ARFGEF2: variants seen among roughly 807,000 people sequenced by gnomAD.
The protein encoded by ARFGEF2 is ARF guanine nucleotide exchange factor 2.
In ARFGEF2, 74 loss-of-function variants were observed where a neutral mutation model predicts 219.9. That is an observed-to-expected ratio of 0.34 (90% CI 0.28 to 0.41). ARFGEF2 has a LOEUF of 0.41. Among genes scored for constraint, ARFGEF2 ranks in the 10% least tolerant of loss-of-function variants. The pLI is 1.00. For missense variants in ARFGEF2, 1,743 were observed against 2,218.3 expected, an observed-to-expected ratio of 0.79 and a Z score of 4.30; for synonymous variants, 733 against 799.2, an observed-to-expected ratio of 0.92 and a Z score of 1.40.
intron 3 of ARFGEF2, among the ~76,000 whole-genome samples, chr20:48,950,806 AAAAAAATATATATATATAT>A (rs1223030935): frequency 2.3e-5 from 1 of 43,390 alleles, no homozygotes; most frequent in African/African-American, 1.3e-4. Context: ...AAAAAAAAAA[AAAAAAATATATATATATAT>A]ATATATATAT....
At chr20:48,945,398 T>G (rs2091019400) in intron 3 of ARFGEF2, among the ~76,000 whole-genome samples, 1 of 152,232 alleles carries the variant, frequency 6.6e-6, no homozygotes, top group Non-Finnish European at 1.5e-5. Context: ...TGCTCTTAAC[T>G]GGCCCCTGCT....
chr20:49,007,764 A>G (rs934102294), intron 26 of ARFGEF2, among the ~76,000 whole-genome samples: 2 of 152,160 alleles, frequency 1.3e-5, no homozygotes, highest in Non-Finnish European at 2.9e-5. Flanking sequence ...AACCAAAATT[A>G]AACCCAGAGT....
At chr20:48,966,117 TAAGCAAG>T in intron 8 of ARFGEF2, 94 bp downstream of exon 8, 1 of 1,485,294 alleles carries the variant, frequency 6.7e-7, no homozygotes, top group Non-Finnish European at 9.3e-7. Flanking sequence ...GCAACTAAAA[TAAGCAAG>T]CCCTGTTCCT....
chr20:48,975,227 G>A (rs1166638156), intron 13 of ARFGEF2, among the ~76,000 whole-genome samples: 3 of 151,996 alleles, frequency 2.0e-5, no homozygotes, highest in Non-Finnish European at 4.4e-5. Flanking sequence ...TCCATTACCC[G>A]GCTGGAATAC....
chr20:48,964,942 T>C (rs188763211), intron 7 of ARFGEF2, among the ~76,000 whole-genome samples: 9 of 152,350 alleles, frequency 5.9e-5, no homozygotes, highest in African/African-American at 2.2e-4. Flanking sequence ...GTTACTTATG[T>C]GCCCATGTCT....
intron 30 of ARFGEF2, 21 bp downstream of exon 30, chr20:49,013,981 T>C (rs377611249): frequency 2.2e-4 from 363 of 1,613,590 alleles, no homozygotes; most frequent in Non-Finnish European, 3.0e-4. Flanking sequence ...ACTACAGCAC[T>C]GCCCTAGGTA....
intron 14 of ARFGEF2, among the ~76,000 whole-genome samples, chr20:48,979,866 A>G (rs1011293416): frequency 6.7e-6 from 1 of 148,622 alleles, no homozygotes; most frequent in African/African-American, 2.5e-5. Context: ...TCTTCTCTTT[A>G]TTTTCTTCTT....
At chr20:49,025,619 G>C in intron 36 of ARFGEF2, 138 bp downstream of exon 36, 129 of 903,180 alleles carry the variant, frequency 1.4e-4, no homozygotes, top group Non-Finnish European at 2.1e-4. Context: ...GGGGAGAGAA[G>C]GGAAATGTTG....
chr20:49,025,544 G>C, intron 36 of ARFGEF2, 63 bp downstream of exon 36: 1 of 1,600,148 alleles, frequency 6.2e-7, no homozygotes, highest in Non-Finnish European at 8.5e-7. Flanking sequence ...ACATTAAAGT[G>C]CTTGGAAAAT....
chr20:48,945,964 T>C (rs2091023822), intron 3 of ARFGEF2, among the ~76,000 whole-genome samples: 1 of 152,216 alleles, frequency 6.6e-6, no homozygotes. Context: ...TTGTTTAGTA[T>C]ACAAAATGAG....
intron 1 of ARFGEF2, among the ~76,000 whole-genome samples, chr20:48,935,550 C>G (rs901080647): frequency 1.7e-4 from 26 of 152,322 alleles, no homozygotes; most frequent in Non-Finnish European, 2.9e-4. Flanking sequence ...ACCTTTCCCC[C>G]CTTTCTATTC....
At chr20:48,993,861 C>T (rs2091371131) in intron 21 of ARFGEF2, among the ~76,000 whole-genome samples, 6 of 152,186 alleles carry the variant, frequency 3.9e-5, no homozygotes, top group Non-Finnish European at 8.8e-5. Flanking sequence ...CTTTAAGTGC[C>T]AGGGACTTAA....
chr20:49,002,131 G>T (rs555076002), intron 25 of ARFGEF2, among the ~76,000 whole-genome samples: 186 of 152,164 alleles, frequency 1.2e-3, no homozygotes, highest in Admixed American at 6.7e-3. Context: ...CCAGCTACAC[G>T]GGAGGCTGAG....
chr20:48,986,585 G>A (rs1449688792), intron 16 of ARFGEF2, among the ~76,000 whole-genome samples: 1 of 152,006 alleles, frequency 6.6e-6, no homozygotes, highest in East Asian at 1.9e-4. Context: ...CTGCACACCA[G>A]CCTGGATGAC....
At chr20:49,009,648 C>G (rs2091483840) in intron 26 of ARFGEF2, among the ~76,000 whole-genome samples, 1 of 152,146 alleles carries the variant, frequency 6.6e-6, no homozygotes. Flanking sequence ...GCCATTTTCT[C>G]TGTCTTCAGG....
At chr20:48,946,624 C>T (rs1271698152) in intron 3 of ARFGEF2, among the ~76,000 whole-genome samples, 1 of 152,000 alleles carries the variant, frequency 6.6e-6, no homozygotes, top group Non-Finnish European at 1.5e-5. Context: ...TCCCCAGGCT[C>T]AGGTGATCCT....
intron 3 of ARFGEF2, among the ~76,000 whole-genome samples, chr20:48,949,905 A>G (rs1425536121): frequency 2.6e-5 from 4 of 152,166 alleles, no homozygotes; most frequent in African/African-American, 9.7e-5. Context: ...TATGTGCCAG[A>G]TGAGTGATTC....
intron 36 of ARFGEF2, among the ~76,000 whole-genome samples, chr20:49,025,875 G>C (rs1056505963): frequency 6.6e-6 from 1 of 152,064 alleles, no homozygotes; most frequent in Non-Finnish European, 1.5e-5. Context: ...CCAGCTACTT[G>C]GGAGGCCGAG....
chr20:48,998,292 G>A, intron 24 of ARFGEF2, 44 bp from the exon 25 acceptor site: 1 of 1,614,196 alleles, frequency 6.2e-7, no homozygotes, highest in Non-Finnish European at 8.5e-7. Flanking sequence ...CCGTCTGACT[G>A]TTCCTAACGA....
Sources: allele counts gnomAD v4.1 joint callset (sites outside exome capture counted in the v4.1 genomes callset), GRCh38; gene constraint gnomAD v4.1.1; transcripts MANE v1.5; gene names NCBI Gene and HGNC (gene_info 2026-07-23, HGNC 2026-07-21).